NIN: variants seen among roughly 807,000 people sequenced by gnomAD.
NIN encodes ninein.
In NIN, 137 loss-of-function variants were observed where a neutral mutation model predicts 257.6. The ratio of observed to expected loss-of-function variants is 0.53; its 90% confidence interval spans 0.46 to 0.61. The LOEUF is 0.61. NIN is among the 20% of genes least tolerant of loss of function. NIN has a pLI of 0.00. For synonymous variants in NIN, 918 were observed against 919.8 expected, an observed-to-expected ratio of 1.00 and a Z score of 0.04; for missense variants, 2,439 against 2,501.2, an observed-to-expected ratio of 0.98 and a Z score of 0.53.
intron 6 of NIN, 69 bp from the exon 7 acceptor site, chr14:50,777,208 A>G (rs2042957432): frequency 7.9e-7 from 1 of 1,262,636 alleles, no homozygotes; most frequent in South Asian, 1.5e-5. Context: ...TTCTTAAAGA[A>G]AACTGTGCTT....
chr14:50,775,723 T>G (rs1476767084), intron 7 of NIN, among the ~76,000 whole-genome samples: 4 of 152,226 alleles, frequency 2.6e-5, no homozygotes, highest in Non-Finnish European at 5.9e-5. Flanking sequence ...AGCTACAGTT[T>G]ATTCCAAGAA....
chr14:50,733,332 C>T (rs1436678181), intron 28 of NIN, among the ~76,000 whole-genome samples: 1 of 152,076 alleles, frequency 6.6e-6, no homozygotes, highest in Non-Finnish European at 1.5e-5. Flanking sequence ...ACCTTGTGAA[C>T]CACCTGCCTC....
chr14:50,831,327 G>C (rs561581689), upstream of NIN, among the ~76,000 whole-genome samples: 1 of 152,204 alleles, frequency 6.6e-6, no homozygotes, highest in African/African-American at 2.4e-5. Flanking sequence ...TCTGAAGTTA[G>C]AAACGCCGGG....
chr14:50,739,184 A>G, intron 26 of NIN, 124 bp downstream of exon 26: 1 of 715,112 alleles, frequency 1.4e-6, no homozygotes, highest in Non-Finnish European at 2.3e-6. Flanking sequence ...TCTTAAAATA[A>G]GTCTGCTATA....
Position 50,745,054 on chromosome 14 carries a change from G to A in NIN, c.5065-689C>T, listed in dbSNP as rs568963803. ...ACTCTTCCTTTCAGAAGGTGCCTAC[G>A]CTGACTGGCCAGTAAAATGTTGTTG... On this transcript the variant is annotated intron_variant, in intron 22 of 30. Coordinates refer to ENST00000530997, the MANE Select transcript of NIN (RefSeq NM_020921.4). 1.1e-3 allele frequency among the ~76,000 whole-genome samples: 169 copies of A among 152,256 alleles called. 1 individual carries two copies. The highest frequency in any genetic ancestry group is 4.0e-3 in the African/African-American group (165 of 41,534).
In NIN at chr14:50,735,617, C is replaced by T. The variant is rs780169319; in HGVS notation, c.5776G>A (p.Val1926Ile). 6.2e-7 allele frequency: 1 copy of T among 1,606,806 alleles called. No individual in the cohort carries two copies. The highest frequency in any genetic ancestry group is 1.7e-5 in the Admixed American group (1 of 59,070). Residue 1926 changes from valine to isoleucine, a missense_variant and splice_region_variant, in exon 28 of 31, where the codon GTC becomes ATC. Transcript: ENST00000530997. Reference protein sequence around the residue: ...QKEQSPANRKVSQMNSLEQEL... With the variant: ...QKEQSPANRKISQMNSLEQEL... ...TGTTCAAGGGAATTCATCTGACTGA[C>T]CTGTTTAAAAAAAACAAAATATTCC...
intron 18 of NIN, among the ~76,000 whole-genome samples, chr14:50,755,456 A>G (rs1453405151): frequency 6.6e-6 from 1 of 151,720 alleles, no homozygotes; most frequent in East Asian, 1.9e-4. Flanking sequence ...GTCCTGTAAT[A>G]GTTTACAAGT....
Position 50,772,997 on chromosome 14 carries a change from T to C in NIN, c.765A>G (p.Pro255=), listed in dbSNP as rs374959547. Residue 255 remains proline, a synonymous_variant, in exon 8 of 31, where the codon CCA becomes CCG. Transcript: ENST00000530997. ...GLFKNGKSLT[P]SASTPYRQLK... is the part of the protein sequence containing the mutation. ...GTTGTCTATATGGAGTAGATGCTGA[T>C]GGTGTAAGAGATTTTCCATTTTTAA... 2 of 1,613,456 alleles carry C rather than the reference T, an allele frequency of 1.2e-6. No homozygotes were observed. Among genetic ancestry groups the C allele is most frequent in the Middle Eastern group, 3.3e-4 (2 of 6,002 alleles).
rs1595807856 is a variant in NIN at position 50,763,839 on chromosome 14, A to G, written c.1761T>C (p.Ile587=). The G allele has an allele frequency of 6.2e-7, 1 of 1,614,072 alleles. No individual in the cohort carries two copies. The highest frequency in any genetic ancestry group is 1.3e-5 in the African/African-American group (1 of 75,034). ...GAATGTGTTTACCGTGTTCGGGCTC[A>G]ATGCCACCGCTGTTAGCCTCAACTT... The part of the protein sequence containing the change: ...SEEVEANSGG[I]EPEHGLGSEE... The change falls in exon 15 of 31, where the codon ATT becomes ATC. Residue 587 remains isoleucine (I), a synonymous_variant. Transcript: ENST00000530997.
chr14:50,826,321 A>G (rs8018156), intron 2 of NIN, among the ~76,000 whole-genome samples: 12,669 of 152,290 alleles, frequency 0.083, 611 homozygotes, highest in Admixed American at 0.14. Context: ...TTTCGGAATG[A>G]AAGAACCAGT....
At chr14:50,736,426 C>T (rs922941831) in intron 27 of NIN, among the ~76,000 whole-genome samples, 13 of 152,056 alleles carry the variant, frequency 8.5e-5, no homozygotes, top group African/African-American at 2.7e-4. Context: ...CATGAGCCAC[C>T]GCGTCCAGCC....
rs2040243535 is a variant in NIN, at chr14:50,720,140, C to T, written c.*3323G>A. On this transcript the variant is annotated 3_prime_UTR_variant, in exon 31 of 31. Transcript: ENST00000530997. ...AACTATTTTACAGTGCTGAGAGGTCCAGATAGGTCCAAACATGATGATTTT... is the reference window on the plus strand; with the variant it reads ...AACTATTTTACAGTGCTGAGAGGTCTAGATAGGTCCAAACATGATGATTTT... 4.5e-6 allele frequency: 1 copy of T among 222,084 alleles called. No homozygotes were observed. The highest frequency in any genetic ancestry group is 5.8e-5 in the Admixed American group (1 of 17,390). 13.8% of individuals were successfully genotyped at this position (222,084 alleles called of 1,614,324 possible). A position where few individuals can be genotyped will look rare whatever the true frequency, so the allele number is the denominator to read the frequency against.
At chr14:50,734,504 C>G (rs186289424) in intron 28 of NIN, among the ~76,000 whole-genome samples, 3 of 152,268 alleles carry the variant, frequency 2.0e-5, no homozygotes, top group Admixed American at 2.0e-4. Flanking sequence ...TCTTATAGTT[C>G]ACTAAATGTT....
At chr14:50,752,757 T>G in intron 20 of NIN, 24 bp from the exon 21 acceptor site, 1 of 1,402,706 alleles carries the variant, frequency 7.1e-7, no homozygotes, top group Non-Finnish European at 9.8e-7. Flanking sequence ...AAATAAGTTT[T>G]TCAAACTTGT....
At chr14:50,780,466 G>T (rs1025978849) in intron 5 of NIN, among the ~76,000 whole-genome samples, 20 of 152,172 alleles carry the variant, frequency 1.3e-4, no homozygotes, top group African/African-American at 4.3e-4. Flanking sequence ...GGTATGGCAC[G>T]TAAAATTTTT....
chr14:50,730,639 T>C (rs1474847577), intron 28 of NIN, among the ~76,000 whole-genome samples: 1 of 152,176 alleles, frequency 6.6e-6, no homozygotes, highest in East Asian at 1.9e-4. Context: ...CACTTTGAAA[T>C]ACCTCTAGTT....
chr14:50,802,463 T>C (rs1208853208), intron 4 of NIN, among the ~76,000 whole-genome samples: 1 of 152,200 alleles, frequency 6.6e-6, no homozygotes, highest in African/African-American at 2.4e-5. Context: ...TAACTTAATT[T>C]CATCTCCTCT....
intron 5 of NIN, 75 bp downstream of exon 5, chr14:50,792,637 C>A (rs2043647900): frequency 1.6e-5 from 24 of 1,537,798 alleles, no homozygotes; most frequent in Non-Finnish European, 2.0e-5. Context: ...CCCCTCAGCT[C>A]CCCTGTCTCT....
intron 3 of NIN, among the ~76,000 whole-genome samples, chr14:50,808,269 C>T (rs1226863292): frequency 6.6e-6 from 1 of 152,220 alleles, no homozygotes; most frequent in Non-Finnish European, 1.5e-5. Context: ...GGTCCTGCTA[C>T]TGTCCCAGAG....
Sources: gnomAD v4.1 joint callset for allele counts (sites outside exome capture counted in the v4.1 genomes callset) on GRCh38, gnomAD v4.1.1 for gene constraint, MANE v1.5 for transcripts, NCBI Gene and HGNC (gene_info 2026-07-23, HGNC 2026-07-21) for gene names.